MEI4: variants seen among roughly 807,000 people sequenced by gnomAD.
The protein encoded by MEI4 is meiotic double-stranded break formation protein 4.
MEI4 carries 27 observed loss-of-function variants against 31.4 expected under a neutral mutation model. That is an observed-to-expected ratio of 0.86 (90% CI 0.63 to 1.19). MEI4 has a LOEUF of 1.19. MEI4 is among the 50% of genes most tolerant of loss of function. The probability of loss-of-function intolerance (pLI) is 0.00; values close to 1 mark genes in which losing one functional copy is unlikely to be tolerated. For missense variants in MEI4, 329 were observed against 398.9 expected, an observed-to-expected ratio of 0.82 and a Z score of 1.49; for synonymous variants, 122 against 145.4, an observed-to-expected ratio of 0.84 and a Z score of 1.16.
chr6:77,740,369 A>ATT (rs1442910908), intron 2 of MEI4, among the ~76,000 whole-genome samples: 2 of 152,034 alleles, frequency 1.3e-5, no homozygotes, highest in Non-Finnish European at 2.9e-5. Flanking sequence ...ATCTTTGTTA[A>ATT]TTTTTTGCTT....
chr6:77,740,062 AAAGTCATTCAGG>A (rs1326368770), intron 2 of MEI4, among the ~76,000 whole-genome samples: 1 of 152,168 alleles, frequency 6.6e-6, no homozygotes, highest in African/African-American at 2.4e-5. Flanking sequence ...TATTTACCCC[AAAGTCATTCAGG>A]AGCAGGTTAT....
At chr6:77,706,838 C>G (rs1026292413) in intron 2 of MEI4, among the ~76,000 whole-genome samples, 12 of 152,142 alleles carry the variant, frequency 7.9e-5, no homozygotes, top group African/African-American at 2.9e-4. Context: ...TATAAGCTTC[C>G]TGAGGCCTCA....
chr6:77,812,208 C>G (rs999992833), intron 3 of MEI4, among the ~76,000 whole-genome samples: 2 of 151,876 alleles, frequency 1.3e-5, no homozygotes, highest in African/African-American at 2.4e-5. Flanking sequence ...AAGTTAGACA[C>G]TAGAACATAT....
chr6:77,783,737 A>G (rs2127692131), intron 3 of MEI4, among the ~76,000 whole-genome samples: 1 of 152,272 alleles, frequency 6.6e-6, no homozygotes, highest in African/African-American at 2.4e-5. Flanking sequence ...AATGTTAGGA[A>G]TTTAATGTTG....
intron 4 of MEI4, among the ~76,000 whole-genome samples, chr6:77,899,307 T>C (rs935848037): frequency 6.6e-6 from 1 of 152,056 alleles, no homozygotes; most frequent in African/African-American, 2.4e-5. Context: ...AGTCTGTTGA[T>C]GAGGAAGAAG....
At chr6:77,778,322 T>C (rs1272057575) in intron 3 of MEI4, among the ~76,000 whole-genome samples, 7 of 151,960 alleles carry the variant, frequency 4.6e-5, no homozygotes, top group African/African-American at 1.5e-4. Context: ...ATAGAGGTGA[T>C]GGTGGAAAGG....
intron 1 of MEI4, among the ~76,000 whole-genome samples, chr6:77,680,749 A>G: frequency 6.6e-6 from 1 of 152,304 alleles, no homozygotes; most frequent in South Asian, 2.1e-4. Flanking sequence ...TAAAGGAAGT[A>G]TTAGATTTAC....
intron 3 of MEI4, among the ~76,000 whole-genome samples, chr6:77,802,201 AT>A (rs1339732199): frequency 1.3e-5 from 2 of 152,152 alleles, no homozygotes; most frequent in Non-Finnish European, 1.5e-5. Context: ...TTCTTGTTGA[AT>A]TGATCCCTTT....
intron 3 of MEI4, among the ~76,000 whole-genome samples, chr6:77,778,844 T>G (rs923096471): frequency 3.9e-5 from 6 of 152,044 alleles, no homozygotes; most frequent in African/African-American, 1.4e-4. Flanking sequence ...AACAACTGGG[T>G]GCATGGAGGT....
At chr6:77,711,417 T>C (rs1766464361) in intron 2 of MEI4, among the ~76,000 whole-genome samples, 1 of 152,202 alleles carries the variant, frequency 6.6e-6, no homozygotes, top group Non-Finnish European at 1.5e-5. Flanking sequence ...TTTTTATTTG[T>C]CACTGGTACT....
At chr6:77,824,654 T>TAAAA (rs11289987) in intron 3 of MEI4, among the ~76,000 whole-genome samples, 1 of 149,312 alleles carries the variant, frequency 6.7e-6, no homozygotes, top group Non-Finnish European at 1.5e-5. Context: ...ACATTCAAGT[T>TAAAA]AAAAAAAAAA....
intron 4 of MEI4, among the ~76,000 whole-genome samples, chr6:77,909,245 T>A (rs1362510338): frequency 1.3e-5 from 2 of 151,926 alleles, no homozygotes; most frequent in Non-Finnish European, 2.9e-5. Context: ...AAAAAACCCT[T>A]CAAAAAAATC....
chr6:77,924,525 A>G lies in MEI4; in HGVS notation c.*1179A>G, dbSNP rs1488410695. The stretch of plus-strand genomic sequence containing the variant: ...CATACAACAATAATATTTCTCAGAT[A>G]TATGCAGGTCACTCAAGGATCAGCT... On this transcript the variant is annotated 3_prime_UTR_variant, in exon 5 of 5. Transcript: ENST00000684080. 1 of 151,884 alleles carries G rather than the reference A, an allele frequency of 6.6e-6. No individual in the cohort carries two copies. Among genetic ancestry groups the G allele is most frequent in the African/African-American group, 2.4e-5 (1 of 41,406 alleles). 9.4% of individuals were successfully genotyped at this position (151,884 alleles called of 1,614,324 possible). A position where few individuals can be genotyped will look rare whatever the true frequency, so the allele number is the denominator to read the frequency against.
At chr6:77,806,633 A>G (rs1769448270) in intron 3 of MEI4, among the ~76,000 whole-genome samples, 1 of 152,090 alleles carries the variant, frequency 6.6e-6, no homozygotes, top group African/African-American at 2.4e-5. Flanking sequence ...AAAATGGAGG[A>G]ACTTCTAGAG....
At chr6:77,849,091 TAAAC>T (rs750557986) in intron 4 of MEI4, among the ~76,000 whole-genome samples, 24 of 151,510 alleles carry the variant, frequency 1.6e-4, no homozygotes, top group African/African-American at 4.4e-4. Context: ...ACAAAAGAAA[TAAAC>T]AAAAATAAAA....
At chr6:77,759,661 T>G (rs939826502) in intron 2 of MEI4, among the ~76,000 whole-genome samples, 2 of 152,202 alleles carry the variant, frequency 1.3e-5, no homozygotes, top group Non-Finnish European at 2.9e-5. Context: ...AGTAAGCTGG[T>G]CTCCAGATTA....
chr6:77,665,168 AGTCGAGGCACGGAAAGGG>A (rs1223114689), intron 1 of MEI4, among the ~76,000 whole-genome samples: 1 of 151,002 alleles, frequency 6.6e-6, no homozygotes, highest in South Asian at 2.1e-4. Context: ...AGAAATAAGG[AGTCGAGGCACGGAAAGGG>A]GTCGAGGCAT....
At chr6:77,682,970 G>A (rs1768984983) in intron 1 of MEI4, among the ~76,000 whole-genome samples, 1 of 152,178 alleles carries the variant, frequency 6.6e-6, no homozygotes, top group African/African-American at 2.4e-5. Context: ...CTCATTCCAT[G>A]GACGATGTTT....
At chr6:77,838,627 C>A (rs987427741) in intron 4 of MEI4, among the ~76,000 whole-genome samples, 25 of 152,052 alleles carry the variant, frequency 1.6e-4, no homozygotes, top group African/African-American at 6.0e-4. Context: ...CCTGGCTGGG[C>A]GCGGTGGCTC....
Sources: gnomAD v4.1 joint callset for allele counts (sites outside exome capture counted in the v4.1 genomes callset) on GRCh38, gnomAD v4.1.1 for gene constraint, MANE v1.5 for transcripts, NCBI Gene and HGNC (gene_info 2026-07-23, HGNC 2026-07-21) for gene names.